PYGB: variants seen among roughly 807,000 people sequenced by gnomAD.
PYGB encodes the protein glycogen phosphorylase, brain form.
Under a neutral mutation model 94.3 loss-of-function variants are expected in PYGB, and 82 were observed. The ratio of observed to expected loss-of-function variants is 0.87; its 90% confidence interval spans 0.73 to 1.04. The LOEUF (loss-of-function observed/expected upper bound fraction) is 1.04. Ranked by LOEUF, PYGB falls within the 50% of genes least tolerant of loss-of-function variation. The pLI is 0.00. For missense variants in PYGB, 1,132 were observed against 1,158.2 expected, an observed-to-expected ratio of 0.98 and a Z score of 0.33; for synonymous variants, 488 against 479.1, an observed-to-expected ratio of 1.02 and a Z score of -0.24.
chr20:25,248,500 G>A, intron 1 of PYGB, 79 bp downstream of exon 1: 1 of 1,270,252 alleles, frequency 7.9e-7, no homozygotes, highest in Non-Finnish European at 9.9e-7. Context: ...GGGGGTCTCT[G>A]CGGGGCGGCC....
rs1436496815 is a variant in PYGB at position 25,295,613 on chromosome 20, G to T, written c.2322G>T (p.Val774=). ...NMLMHHDRFK[V]FADYEAYMQC... ...CTTTCTCCCATTCCAGGTTCAAGGTGTTTGCAGACTATGAAGCCTACATGC... is the reference window on the plus strand; with the variant it reads ...CTTTCTCCCATTCCAGGTTCAAGGTTTTTGCAGACTATGAAGCCTACATGC... Residue 774 remains valine, a synonymous_variant, in exon 19 of 20, where the codon GTG becomes GTT. Transcript: ENST00000216962. The T allele has an allele frequency of 6.2e-7, 1 of 1,613,966 alleles. No individual in the cohort carries two copies. The highest frequency in any genetic ancestry group is 8.5e-7 in the Non-Finnish European group (1 of 1,179,944).
chr20:25,267,314 T>C (rs2088226807), intron 2 of PYGB, among the ~76,000 whole-genome samples: 1 of 152,160 alleles, frequency 6.6e-6, no homozygotes, highest in Non-Finnish European at 1.5e-5. Flanking sequence ...TGACTGCTGA[T>C]GGGCACGGGG....
chr20:25,294,169 G>C lies in PYGB; in HGVS notation c.2189G>C (p.Arg730Thr). 6.2e-7 allele frequency: 1 copy of C among 1,613,734 alleles called. No homozygotes were observed. The highest frequency in any genetic ancestry group is 8.5e-7 in the Non-Finnish European group (1 of 1,180,008). ...EALDRKGYNA[R>T]EYYDHLPELK... ...CCATCGCCTCACAGGTACAATGCCA[G>C]GGAGTACTACGACCACCTGCCCGAG... Residue 730 changes from arginine (R) to threonine (T), a missense_variant, in exon 18 of 20, where the codon AGG becomes ACG. Coordinates refer to ENST00000216962, the MANE Select transcript of PYGB (RefSeq NM_002862.4).
At chr20:25,278,875 G>A (rs577994164) in intron 8 of PYGB, among the ~76,000 whole-genome samples, 182 bp from the exon 9 acceptor site, 1 of 146,058 alleles carries the variant, frequency 6.8e-6, no homozygotes, top group South Asian at 2.3e-4. Flanking sequence ...GCGCACACCT[G>A]CCACAGTGCG....
intron 2 of PYGB, among the ~76,000 whole-genome samples, 198 bp from the exon 3 acceptor site, chr20:25,268,931 A>G (rs1337366200): frequency 6.6e-6 from 1 of 152,250 alleles, no homozygotes; most frequent in African/African-American, 2.4e-5. Flanking sequence ...ACCTGGCAAT[A>G]AATGTTTTTG....
At chr20:25,291,854 G>C (rs2258201) in intron 16 of PYGB, among the ~76,000 whole-genome samples, 68,345 of 151,888 alleles carry the variant, frequency 0.45, 16,002 homozygotes, top group East Asian at 0.92. Context: ...TGTATAGTCA[G>C]TGTGTGCACT....
At chr20:25,269,425 A>G (rs1290318151) in intron 3 of PYGB, among the ~76,000 whole-genome samples, 4 of 152,164 alleles carry the variant, frequency 2.6e-5, no homozygotes, top group African/African-American at 4.8e-5. Flanking sequence ...TATCACGAAG[A>G]CCAATCTTGC....
At chr20:25,265,842 G>A (rs113978015) in intron 2 of PYGB, among the ~76,000 whole-genome samples, 7 of 151,834 alleles carry the variant, frequency 4.6e-5, no homozygotes, top group East Asian at 1.9e-4. Flanking sequence ...TGATCCACCC[G>A]CCTTGGCCTT....
rs1033533905 is a variant in PYGB, at chr20:25,287,087, C to T, written c.1769-1338C>T. On this transcript the variant is annotated intron_variant, in intron 14 of 19. Coordinates refer to ENST00000216962, the MANE Select transcript of PYGB (RefSeq NM_002862.4). The stretch of plus-strand genomic sequence containing the variant: ...ACGCCTGTCCAGGGTGGCCGCTCAT[C>T]CCCTTTTTGTAGGAACCTCCCGTGA... Among the ~76,000 whole-genome samples, 12 of 152,332 alleles carry T rather than the reference C, an allele frequency of 7.9e-5. 1 individual carries two copies. The South Asian group carries it at 2.5e-3, about 32-fold the overall frequency.
intron 14 of PYGB, among the ~76,000 whole-genome samples, chr20:25,287,982 A>G (rs2088432307): frequency 6.6e-6 from 1 of 152,202 alleles, no homozygotes; most frequent in African/African-American, 2.4e-5. Flanking sequence ...TGCTGTCTCA[A>G]GAAACAAAAC....
intron 2 of PYGB, among the ~76,000 whole-genome samples, chr20:25,266,302 G>A (rs2088218083): frequency 6.6e-6 from 1 of 151,578 alleles, no homozygotes; most frequent in Non-Finnish European, 1.5e-5. Context: ...AGTGGAGAAC[G>A]ATGTCTTTTC....
intron 18 of PYGB, chr20:25,294,814 A>G: frequency 1.3e-6 from 1 of 766,482 alleles, no homozygotes. Context: ...AGAGTTACAG[A>G]CTTTGTAAGG....
In PYGB at chr20:25,277,326, C is replaced by T. The variant is rs367923761; in HGVS notation, c.855C>T (p.Asn285=). 35 of 1,556,528 alleles carry T rather than the reference C, an allele frequency of 2.2e-5. No individual in the cohort carries two copies. The highest frequency in any genetic ancestry group is 6.7e-5 in the East Asian group (3 of 44,590). ...CCAGGGTCCTGTATCCAAATGATAA[C>T]GTGAGTAGCTGGCCTGGGCACTCTT... The part of the protein sequence containing the change: ...NISRVLYPND[N]FFEGKELRLK... Residue 285 remains asparagine, a splice_region_variant and synonymous_variant, in exon 7 of 20, where the codon AAC becomes AAT. Coordinates refer to ENST00000216962, the MANE Select transcript of PYGB (RefSeq NM_002862.4).
At chr20:25,271,281 T>C in intron 3 of PYGB, 102 bp from the exon 4 acceptor site, 1 of 1,056,166 alleles carries the variant, frequency 9.5e-7, no homozygotes, top group East Asian at 2.4e-5. Flanking sequence ...GAAGTCAGTG[T>C]GATCCCCTCT....
chr20:25,256,482 C>T (rs1367666211), intron 1 of PYGB, among the ~76,000 whole-genome samples: 3 of 147,090 alleles, frequency 2.0e-5, no homozygotes, highest in South Asian at 2.1e-4. Flanking sequence ...GGCAACAGAG[C>T]GAAACTCTGT....
intron 2 of PYGB, among the ~76,000 whole-genome samples, chr20:25,268,318 G>C (rs985071279): frequency 6.6e-6 from 1 of 151,266 alleles, no homozygotes; most frequent in South Asian, 2.1e-4. Flanking sequence ...TAAATCATTT[G>C]TAACTTTGCT....
intron 5 of PYGB, among the ~76,000 whole-genome samples, chr20:25,275,922 C>G (rs117474827): frequency 6.6e-6 from 1 of 152,244 alleles, no homozygotes; most frequent in East Asian, 1.9e-4. Context: ...TCAGAGCTGA[C>G]TGGCAGTGCC....
intron 14 of PYGB, 73 bp downstream of exon 14, chr20:25,284,324 G>T: frequency 1.9e-6 from 3 of 1,556,748 alleles, no homozygotes; most frequent in Non-Finnish European, 2.6e-6. Flanking sequence ...GCTGTGCACA[G>T]ACCCTGGGCC....
At chr20:25,249,342 G>A (rs68007865) in intron 1 of PYGB, among the ~76,000 whole-genome samples, 19,476 of 152,128 alleles carry the variant, frequency 0.13, 2,056 homozygotes, top group East Asian at 0.58. Context: ...ATAGGTACAT[G>A]GTAGTCTTGC....
Sources: allele counts gnomAD v4.1 joint callset (sites outside exome capture counted in the v4.1 genomes callset), GRCh38; gene constraint gnomAD v4.1.1; transcripts MANE v1.5; gene names NCBI Gene and HGNC (gene_info 2026-07-23, HGNC 2026-07-21).